Variants in MAGI2 observed in about 807,000 individuals in gnomAD.
The protein encoded by MAGI2 is membrane associated guanylate kinase, WW and PDZ domain containing 2.
A neutral mutation model predicts 133.3 loss-of-function variants in MAGI2; 35 were observed. That is an observed-to-expected ratio of 0.26 (90% CI 0.20 to 0.35). MAGI2 has a LOEUF of 0.35. Among genes scored for constraint, MAGI2 ranks in the 10% least tolerant of loss-of-function variants. The pLI, the probability that MAGI2 is intolerant of heterozygous loss-of-function variation, is 1.00. For missense variants in MAGI2, 1,636 were observed against 1,863.4 expected (o/e 0.88, Z 2.25); for synonymous variants, 729 against 710.6 (o/e 1.03, Z -0.41).
chr7:78,075,241 GAA>G (rs1432492892), intron 21 of MAGI2, among the ~76,000 whole-genome samples: 1 of 152,138 alleles, frequency 6.6e-6, no homozygotes, highest in Non-Finnish European at 1.5e-5. Flanking sequence ...TTGCTGGGTG[GAA>G]AGAGTGTTCT....
chr7:78,631,328 C>A (rs1214395347), intron 2 of MAGI2, among the ~76,000 whole-genome samples: 1 of 152,106 alleles, frequency 6.6e-6, no homozygotes, highest in Non-Finnish European at 1.5e-5. Flanking sequence ...CCCATATCTC[C>A]ACAACATCAT....
chr7:79,299,681 A>G (rs1207416091), intron 1 of MAGI2, among the ~76,000 whole-genome samples: 1 of 152,130 alleles, frequency 6.6e-6, no homozygotes, highest in African/African-American at 2.4e-5. Flanking sequence ...AAAAAACACA[A>G]AAAACGATAA....
intron 2 of MAGI2, among the ~76,000 whole-genome samples, chr7:78,713,712 C>G (rs779692767): frequency 4.5e-4 from 69 of 152,116 alleles, no homozygotes; most frequent in Non-Finnish European, 9.3e-4. Flanking sequence ...CTCTTACTTG[C>G]TTTCCTTCAA....
At chr7:78,563,032 A>G (rs1202786975) in intron 3 of MAGI2, among the ~76,000 whole-genome samples, 1 of 149,892 alleles carries the variant, frequency 6.7e-6, no homozygotes, top group African/African-American at 2.5e-5. Context: ...TTTGATTGTA[A>G]TTTCTTGCCA....
chr7:78,298,577 C>T (rs189486342), intron 9 of MAGI2, among the ~76,000 whole-genome samples: 18 of 152,272 alleles, frequency 1.2e-4, no homozygotes, highest in Non-Finnish European at 1.8e-4. Context: ...GATCTCTGCT[C>T]ACTGCAACCT....
intron 21 of MAGI2, among the ~76,000 whole-genome samples, chr7:78,068,623 G>A (rs576194022): frequency 3.3e-5 from 5 of 152,134 alleles, no homozygotes; most frequent in Non-Finnish European, 5.9e-5. Context: ...AAAAAAGGTG[G>A]CCTTATGGAC....
chr7:79,166,968 T>A (rs1562956921), intron 1 of MAGI2, among the ~76,000 whole-genome samples: 1 of 151,932 alleles, frequency 6.6e-6, no homozygotes, highest in Non-Finnish European at 1.5e-5. Flanking sequence ...AATCTCAGAG[T>A]CCTCATAATT....
chr7:79,052,168 A>G (rs937272939), intron 1 of MAGI2, among the ~76,000 whole-genome samples: 2 of 152,198 alleles, frequency 1.3e-5, no homozygotes, highest in Non-Finnish European at 2.9e-5. Flanking sequence ...AGTGTGAACC[A>G]TAATGTAGAG....
At position 78,402,198 on chromosome 7, in the gene MAGI2, G is replaced by GT. The variant is rs1258178650; in HGVS notation, c.1046-32986_1046-32985insA. Among the ~76,000 whole-genome samples, 1,272 of 150,226 alleles carry GT rather than the reference G, an allele frequency of 8.5e-3. 21 individuals carry two copies. Among genetic ancestry groups the GT allele is most frequent in the African/African-American group, 0.021 (876 of 41,314 alleles). ...CATATGTGTGTGTGCCCACCTGGGGGGTGTGTGTGTGTGTGTATCCACCTG... is the reference window on the plus strand; with the variant it reads ...CATATGTGTGTGTGCCCACCTGGGGGTGTGTGTGTGTGTGTGTATCCACCTG... On this transcript the variant is annotated intron_variant, in intron 6 of 21. Transcript: ENST00000354212.
intron 3 of MAGI2, among the ~76,000 whole-genome samples, chr7:78,577,911 G>T (rs1802434499): frequency 6.6e-6 from 1 of 151,366 alleles, no homozygotes; most frequent in African/African-American, 2.4e-5. Context: ...TTAATTAGAA[G>T]AATTTAATTA....
intron 2 of MAGI2, among the ~76,000 whole-genome samples, chr7:78,873,234 A>G (rs895887262): frequency 6.6e-6 from 1 of 152,180 alleles, no homozygotes; most frequent in Admixed American, 6.5e-5. Context: ...AGGCTCCCCT[A>G]TGAAATACTA....
At position 78,127,417 on chromosome 7, in the gene MAGI2, C is replaced by A; in HGVS notation, c.3204-1G>T. ...CCTTGCTTTCACTTCCGACCTGTAA[C>A]TAAATCAATGGAAATGGGATTTGCT... On this transcript the variant is annotated splice_acceptor_variant, in intron 18 of 21. Transcript: ENST00000354212. LOFTEE classifies it high-confidence loss of function. 2 of 1,597,356 alleles carry A rather than the reference C, an allele frequency of 1.3e-6. No homozygotes were observed. Among genetic ancestry groups the A allele is most frequent in the Non-Finnish European group, 1.7e-6 (2 of 1,176,132 alleles).
chr7:78,020,101 C>A, intron 21 of MAGI2, 125 bp from the exon 22 acceptor site: 1 of 759,524 alleles, frequency 1.3e-6, no homozygotes, highest in South Asian at 2.0e-5. Context: ...ACCGCCGCCC[C>A]CACCCCCACC....
chr7:78,614,516 G>T (rs1286458223), intron 3 of MAGI2: 1 of 151,626 alleles, frequency 6.6e-6, no homozygotes, highest in Non-Finnish European at 1.5e-5. Context: ...AACATTATTG[G>T]GGCAAAAGAA....
intron 1 of MAGI2, among the ~76,000 whole-genome samples, chr7:79,107,145 C>T (rs188152665): frequency 1.3e-5 from 2 of 152,016 alleles, no homozygotes; most frequent in African/African-American, 4.8e-5. Flanking sequence ...CCAGGTGGGC[C>T]CAGTCTAACC....
At chr7:78,684,338 C>T (rs890691883) in intron 2 of MAGI2, among the ~76,000 whole-genome samples, 3 of 152,136 alleles carry the variant, frequency 2.0e-5, no homozygotes, top group Non-Finnish European at 2.9e-5. Flanking sequence ...AGCTAGGAAT[C>T]ACAGCCTATG....
chr7:78,776,745 G>A (rs1826015508), intron 2 of MAGI2, among the ~76,000 whole-genome samples: 1 of 152,192 alleles, frequency 6.6e-6, no homozygotes, highest in Admixed American at 6.5e-5. Context: ...TTATCTGACA[G>A]TGGGAAAAAT....
intron 1 of MAGI2, among the ~76,000 whole-genome samples, chr7:79,247,995 A>G (rs934125559): frequency 6.6e-6 from 1 of 152,200 alleles, no homozygotes; most frequent in Admixed American, 6.5e-5. Flanking sequence ...AAATAACAAA[A>G]TGGCAGGAGT....
chr7:78,338,484 T>C (rs1790007418), intron 9 of MAGI2, among the ~76,000 whole-genome samples: 1 of 152,226 alleles, frequency 6.6e-6, no homozygotes, highest in Admixed American at 6.5e-5. Context: ...TATTATAGCA[T>C]TGATATAAAT....
Sources: allele counts gnomAD v4.1 joint callset (sites outside exome capture counted in the v4.1 genomes callset), GRCh38; gene constraint gnomAD v4.1.1; transcripts MANE v1.5; gene names NCBI Gene and HGNC (gene_info 2026-07-23, HGNC 2026-07-21).